Variants in GAR1 observed in about 807,000 individuals in gnomAD.
GAR1 encodes the protein GAR1 ribonucleoprotein.
GAR1 carries 11 observed loss-of-function variants against 29.3 expected under a neutral mutation model. The observed-to-expected ratio is 0.38, with a 90% CI of 0.24 to 0.62. The LOEUF (loss-of-function observed/expected upper bound fraction) is 0.62. Among genes scored for constraint, GAR1 ranks in the 20% least tolerant of loss-of-function variants. The pLI, the probability that GAR1 is intolerant of heterozygous loss-of-function variation, is 0.62. For synonymous variants in GAR1, 87 were observed against 93.3 expected (o/e 0.93, Z 0.39); for missense variants, 237 against 268.4 (o/e 0.88, Z 0.82).
In GAR1 at chr4:109,823,956, GTTTT is replaced by G; in HGVS notation, c.572-6_572-3del. On this transcript the variant is annotated splice_polypyrimidine_tract_variant and splice_region_variant and intron_variant, in intron 5 of 6. Coordinates refer to ENST00000226796, the MANE Select transcript of GAR1 (RefSeq NM_018983.4). Reference sequence around the variant, plus strand: ...TACTTTGCGTTATTATTTAATAAATGTTTTTTAGGTGGTTTTAGAGGTGGAAGAG... The same window carrying G: ...TACTTTGCGTTATTATTTAATAAATGTTAGGTGGTTTTAGAGGTGGAAGAG... 1 of 1,571,690 alleles carries G rather than the reference GTTTT, an allele frequency of 6.4e-7. No homozygotes were observed. Among genetic ancestry groups the G allele is most frequent in the Non-Finnish European group, 8.7e-7 (1 of 1,143,454 alleles).
chr4:109,818,790 C>G (rs1733424873), intron 3 of GAR1, among the ~76,000 whole-genome samples: 1 of 152,006 alleles, frequency 6.6e-6, no homozygotes, highest in South Asian at 2.1e-4. Flanking sequence ...GTCTCAAACT[C>G]CTGGCCTCAA....
intron 5 of GAR1, among the ~76,000 whole-genome samples, 191 bp from the exon 6 acceptor site, chr4:109,823,774 C>A (rs568698451): frequency 6.6e-6 from 1 of 152,084 alleles, no homozygotes; most frequent in African/African-American, 2.4e-5. Context: ...TACAGTTTCT[C>A]CATTTTTATC....
chr4:109,821,001 T>C (rs1167325127), intron 4 of GAR1, among the ~76,000 whole-genome samples: 1 of 152,212 alleles, frequency 6.6e-6, no homozygotes, highest in African/African-American at 2.4e-5. Context: ...TGGGGGCTTA[T>C]TGTTTAGTTT....
chr4:109,822,038 A>G (rs981912536), intron 4 of GAR1, among the ~76,000 whole-genome samples: 27 of 151,956 alleles, frequency 1.8e-4, no homozygotes, highest in Admixed American at 8.5e-4. Context: ...CAAATACCCG[A>G]TGCATACGGG....
At position 109,816,146 on chromosome 4, in the gene GAR1, TC is replaced by T. The variant is rs768715588; in HGVS notation, c.-12-6del. On this transcript the variant is annotated splice_polypyrimidine_tract_variant and splice_region_variant and intron_variant, in intron 1 of 6. Transcript: ENST00000226796. ...TCAGAAGACATAGGTCGTTTTTTTT[TC>T]ATCAGGGAGGAGAGAGAATGTCTTT... 1.9e-6 allele frequency: 3 copies of T among 1,610,556 alleles called. No individual in the cohort carries two copies. In the African/African-American group the frequency reaches 4.0e-5, roughly 22 times the overall value.
chr4:109,817,869 C>G (rs138282830), intron 2 of GAR1, 67 bp from the exon 3 acceptor site: 29,112 of 1,342,652 alleles, frequency 0.022, 383 homozygotes, highest in Non-Finnish European at 0.026. Flanking sequence ...AAGAAAGCTT[C>G]CAGAAGCAGT....
Position 109,816,150 on chromosome 4 carries a change from C to T in GAR1, c.-12-3C>T, listed in dbSNP as rs1288355983. The stretch of plus-strand genomic sequence containing the variant: ...AAGACATAGGTCGTTTTTTTTTCAT[C>T]AGGGAGGAGAGAGAATGTCTTTTCG... On this transcript the variant is annotated splice_region_variant and splice_polypyrimidine_tract_variant and intron_variant, in intron 1 of 6. Coordinates refer to ENST00000226796, the MANE Select transcript of GAR1 (RefSeq NM_018983.4). 22 of 1,476,558 alleles carry T rather than the reference C, an allele frequency of 1.5e-5. No homozygotes were observed. The highest frequency in any genetic ancestry group is 2.0e-5 in the Non-Finnish European group (22 of 1,077,542). 91.5% of individuals were successfully genotyped at this position (1,476,558 alleles called of 1,614,324 possible).
intron 2 of GAR1, among the ~76,000 whole-genome samples, chr4:109,817,425 T>C: frequency 6.6e-6 from 1 of 151,742 alleles, no homozygotes; most frequent in East Asian, 1.9e-4. Context: ...CAATGAATCA[T>C]TGTTAAAGAG....
In GAR1 at chr4:109,816,958, A is replaced by G. The variant is rs535334986; in HGVS notation, c.214+580A>G. Among the ~76,000 whole-genome samples, 26 of 152,366 alleles carry G rather than the reference A, an allele frequency of 1.7e-4. 2 individuals carry two copies. In the South Asian group the frequency reaches 5.2e-3, roughly 30 times the overall value. On this transcript the variant is annotated intron_variant, in intron 2 of 6. Transcript: ENST00000226796. ...GGAAACTGCCAGAGAGGAAATCTAG[A>G]AAAACACCTATTTAGGGTAGTTTTA...
rs1357192375 is a variant in GAR1 at position 109,824,648 on chromosome 4, C to T, written c.*217C>T. The T allele has an allele frequency of 2.2e-6, 1 of 454,634 alleles. No individual in the cohort carries two copies. The allele number at this position is 454,634 out of a possible 1,614,324, so 28.2% of individuals were successfully genotyped here. ...AGTCTTTCTAATGTTTTGTACAGTG[C>T]CTGGCACTCTGTGGGTGCTCAATAA... On this transcript the variant is annotated 3_prime_UTR_variant, in exon 7 of 7. Coordinates refer to ENST00000226796, the MANE Select transcript of GAR1 (RefSeq NM_018983.4).
Position 109,822,259 on chromosome 4 carries a change from G to T in GAR1, c.430-88G>T, listed in dbSNP as rs75400523. 3 of 738,088 alleles carry T rather than the reference G, an allele frequency of 4.1e-6. No individual in the cohort carries two copies. In the African/African-American group the frequency reaches 5.6e-5, roughly 14 times the overall value. The allele number at this position is 738,088 out of a possible 1,614,324, so 45.7% of individuals were successfully genotyped here. ...TGGTAGGATTGGGGTTTGAACCCAG[G>T]CAGTTTTGACTCTATCATGTAGCTT... On this transcript the variant is annotated intron_variant, in intron 4 of 6. Coordinates refer to ENST00000226796, the MANE Select transcript of GAR1 (RefSeq NM_018983.4).
At chr4:109,819,709 T>A (rs12644142) in intron 4 of GAR1, 25,820 of 152,294 alleles carry the variant, frequency 0.17, 2,673 homozygotes, top group Admixed American at 0.33. Context: ...GAAAAGCACT[T>A]GGATAATTTT....
At chr4:109,818,187 T>C (rs1174559620) in intron 3 of GAR1, 97 bp downstream of exon 3, 1 of 815,520 alleles carries the variant, frequency 1.2e-6, no homozygotes, top group Admixed American at 2.5e-5. Flanking sequence ...TGTTGCTTCA[T>C]TAAATTAGAC....
In GAR1 at chr4:109,819,067, C is replaced by A; in HGVS notation, c.429+7C>A. ...CTTTAAAAAACTACAGAAGGTGAGTCAAACTTATGATACTTGGGATCCTTG... is the reference window on the plus strand; with the variant it reads ...CTTTAAAAAACTACAGAAGGTGAGTAAAACTTATGATACTTGGGATCCTTG... On this transcript the variant is annotated splice_region_variant and intron_variant, in intron 4 of 6. Coordinates refer to ENST00000226796, the MANE Select transcript of GAR1 (RefSeq NM_018983.4). 6.9e-7 allele frequency: 1 copy of A among 1,439,110 alleles called. No homozygotes were observed. Among genetic ancestry groups the A allele is most frequent in the Non-Finnish European group, 9.8e-7 (1 of 1,021,054 alleles). 89.1% of individuals were successfully genotyped at this position (1,439,110 alleles called of 1,614,324 possible). A position where few individuals can be genotyped will look rare whatever the true frequency, so the allele number is the denominator to read the frequency against.
chr4:109,820,668 G>T (rs573784873), intron 4 of GAR1, among the ~76,000 whole-genome samples: 10 of 152,058 alleles, frequency 6.6e-5, no homozygotes, highest in Non-Finnish European at 1.2e-4. Context: ...ATGGCAAAAG[G>T]CTGCAAAGTG....
At chr4:109,822,307 C>T (rs1733536391) in intron 4 of GAR1, 40 bp from the exon 5 acceptor site, 1 of 1,201,440 alleles carries the variant, frequency 8.3e-7, no homozygotes, top group African/African-American at 1.5e-5. Flanking sequence ...ATTATACTGT[C>T]CCCCAAGTTG....
In GAR1 at chr4:109,816,296, C is replaced by T. The variant is rs61737734; in HGVS notation, c.132C>T (p.Gly44=). 6.3e-5 allele frequency: 102 copies of T among 1,611,516 alleles called. No individual in the cohort carries two copies. In the African/African-American group the frequency reaches 1.0e-3, roughly 16 times the overall value. The change falls in exon 2 of 7, where the codon GGC becomes GGT. Residue 44 remains glycine, a synonymous_variant. Coordinates refer to ENST00000226796, the MANE Select transcript of GAR1 (RefSeq NM_018983.4). ...GGGGGGNFRG[G]GRGGFGRGGG... ...GAGGCGGCGGCAATTTCAGAGGCGG[C>T]GGCAGGGGAGGATTTGGACGAGGGG...
chr4:109,822,044 A>G (rs1733527335), intron 4 of GAR1, among the ~76,000 whole-genome samples: 1 of 151,502 alleles, frequency 6.6e-6, no homozygotes, highest in Non-Finnish European at 1.5e-5. Flanking sequence ...CCCGATGCAT[A>G]CGGGGCTTAA....
intron 4 of GAR1, among the ~76,000 whole-genome samples, chr4:109,820,485 T>A (rs1266255350): frequency 6.6e-6 from 1 of 150,524 alleles, no homozygotes; most frequent in Non-Finnish European, 1.5e-5. Context: ...GAAGAAAGAA[T>A]GAAAGGAAAA....
Sources: allele counts gnomAD v4.1 joint callset (sites outside exome capture counted in the v4.1 genomes callset), GRCh38; gene constraint gnomAD v4.1.1; transcripts MANE v1.5; gene names NCBI Gene and HGNC (gene_info 2026-07-23, HGNC 2026-07-21).